Variants in IMMP2L observed in about 807,000 individuals in gnomAD.
IMMP2L encodes the protein mitochondrial inner membrane protease subunit 2.
Under a neutral mutation model 19.3 loss-of-function variants are expected in IMMP2L, and 18 were observed. The ratio of observed to expected loss-of-function variants is 0.93; its 90% CI spans 0.64 to 1.38. The LOEUF is 1.38. Ranked by LOEUF, IMMP2L falls within the 40% of genes most tolerant of loss-of-function variation. The probability of loss-of-function intolerance (pLI) is 0.00; values close to 1 mark genes in which losing one functional copy is unlikely to be tolerated. For synonymous variants in IMMP2L, 76 were observed against 73.0 expected, an observed-to-expected ratio of 1.04 and a Z score of -0.21; for missense variants, 233 against 218.2, an observed-to-expected ratio of 1.07 and a Z score of -0.43.
At chr7:111,431,852 T>C (rs1308867944) in intron 3 of IMMP2L, among the ~76,000 whole-genome samples, 1 of 151,774 alleles carries the variant, frequency 6.6e-6, no homozygotes, top group African/African-American at 2.4e-5. Flanking sequence ...TGTCTAAGAA[T>C]TGGAAAAACA....
intron 3 of IMMP2L, among the ~76,000 whole-genome samples, chr7:111,220,619 T>TGGATGGATGGAC (rs1812410831): frequency 6.6e-6 from 1 of 151,484 alleles, no homozygotes; most frequent in Non-Finnish European, 1.5e-5. Context: ...GATGGATGGA[T>TGGATGGATGGAC]GGATACAGAG....
At position 110,972,556 on chromosome 7, in the gene IMMP2L, A is replaced by T. The variant is rs910737424; in HGVS notation, c.240-8991T>A. On this transcript the variant is annotated intron_variant, in intron 3 of 5. Transcript: ENST00000405709. Reference sequence around the variant, plus strand: ...AAAGGATTTTTGGCAGCTGAGAATAAATATCTTTTGGAGAATGGAGGTAAG... The same window carrying T: ...AAAGGATTTTTGGCAGCTGAGAATATATATCTTTTGGAGAATGGAGGTAAG... Among the ~76,000 whole-genome samples, 7 of 152,216 alleles carry T rather than the reference A, an allele frequency of 4.6e-5. No individual in the cohort carries two copies. In the South Asian group the frequency reaches 1.0e-3, roughly 23 times the overall value.
intron 5 of IMMP2L, among the ~76,000 whole-genome samples, chr7:110,787,017 T>G (rs1800125454): frequency 6.6e-6 from 1 of 152,032 alleles, no homozygotes; most frequent in Non-Finnish European, 1.5e-5. Context: ...TGAAATTACT[T>G]TCTTACTCTA....
At chr7:111,526,765 G>A (rs1846905037) in intron 1 of IMMP2L, among the ~76,000 whole-genome samples, 1 of 152,080 alleles carries the variant, frequency 6.6e-6, no homozygotes, top group South Asian at 2.1e-4. Context: ...ATTTTAAGAG[G>A]CACAGAATGG....
intron 5 of IMMP2L, among the ~76,000 whole-genome samples, chr7:110,878,065 G>A (rs1809255484): frequency 6.6e-6 from 1 of 152,076 alleles, no homozygotes; most frequent in Admixed American, 6.6e-5. Context: ...CAGCTTGGAG[G>A]CCACAGATTC....
chr7:110,744,361 G>A (rs1167964772), intron 5 of IMMP2L, among the ~76,000 whole-genome samples: 1 of 152,250 alleles, frequency 6.6e-6, no homozygotes, highest in South Asian at 2.1e-4. Context: ...GCTCTGAAGA[G>A]AGCAGTGGGT....
intron 3 of IMMP2L, among the ~76,000 whole-genome samples, chr7:111,440,688 C>A (rs1275332055): frequency 1.3e-5 from 2 of 151,886 alleles, no homozygotes; most frequent in Non-Finnish European, 2.9e-5. Context: ...TGAACAGCTA[C>A]ATTAGCCCCT....
At chr7:111,154,405 A>ATCAC (rs1215148093) in intron 3 of IMMP2L, among the ~76,000 whole-genome samples, 3 of 152,202 alleles carry the variant, frequency 2.0e-5, no homozygotes, top group Admixed American at 6.5e-5. Flanking sequence ...AATTATAAGC[A>ATCAC]TCACATCAGC....
At chr7:110,831,784 T>C (rs1356056390) in intron 5 of IMMP2L, among the ~76,000 whole-genome samples, 2 of 152,196 alleles carry the variant, frequency 1.3e-5, no homozygotes, top group Non-Finnish European at 2.9e-5. Context: ...TCTCTAGACA[T>C]TTGGGGTCAC....
At chr7:110,908,186 C>G (rs1563072650) in intron 4 of IMMP2L, among the ~76,000 whole-genome samples, 1 of 152,156 alleles carries the variant, frequency 6.6e-6, no homozygotes, top group Non-Finnish European at 1.5e-5. Flanking sequence ...AACAGTATCT[C>G]TGCATCCAGC....
chr7:110,813,381 TTGTC>T (rs1802187113), intron 5 of IMMP2L, among the ~76,000 whole-genome samples: 1 of 152,016 alleles, frequency 6.6e-6, no homozygotes, highest in African/African-American at 2.4e-5. Context: ...AAATTCTTAA[TTGTC>T]TGTGGGTTAA....
At chr7:110,688,900 A>T (rs528143425) in intron 5 of IMMP2L, among the ~76,000 whole-genome samples, 1 of 152,158 alleles carries the variant, frequency 6.6e-6, no homozygotes, top group East Asian at 1.9e-4. Context: ...ATACACACAC[A>T]CTTTTTTTCT....
At chr7:110,944,551 A>C (rs2129553385) in intron 4 of IMMP2L, among the ~76,000 whole-genome samples, 1 of 151,216 alleles carries the variant, frequency 6.6e-6, no homozygotes, top group African/African-American at 2.4e-5. Context: ...CTGAGGATTA[A>C]AGAGTATACA....
At chr7:111,264,749 A>C (rs1262665063) in intron 3 of IMMP2L, among the ~76,000 whole-genome samples, 1 of 151,362 alleles carries the variant, frequency 6.6e-6, no homozygotes, top group Non-Finnish European at 1.5e-5. Flanking sequence ...ACAGCCAACC[A>C]TTTCCAGACT....
chr7:110,845,033 A>G (rs1357660320), intron 5 of IMMP2L, among the ~76,000 whole-genome samples: 1 of 152,158 alleles, frequency 6.6e-6, no homozygotes, highest in African/African-American at 2.4e-5. Context: ...GGAAAGATTT[A>G]AAAAGTAGCA....
intron 3 of IMMP2L, among the ~76,000 whole-genome samples, chr7:111,210,412 C>T (rs1001882849): frequency 1.3e-4 from 20 of 152,132 alleles, no homozygotes; most frequent in African/African-American, 3.6e-4. Context: ...TTCCTCAAAA[C>T]TACTCTTGCT....
At chr7:111,293,066 G>T (rs1436592449) in intron 3 of IMMP2L, among the ~76,000 whole-genome samples, 1 of 151,946 alleles carries the variant, frequency 6.6e-6, no homozygotes, top group African/African-American at 2.4e-5. Context: ...AAGGACATGA[G>T]ATATAAGCAA....
At chr7:110,670,639 G>A (rs1427021462) in intron 5 of IMMP2L, among the ~76,000 whole-genome samples, 2 of 148,062 alleles carry the variant, frequency 1.4e-5, no homozygotes, top group East Asian at 4.0e-4. Flanking sequence ...GCAGTGAGCT[G>A]AGATCATGCC....
At chr7:111,175,071 G>A (rs1806892036) in intron 3 of IMMP2L, among the ~76,000 whole-genome samples, 1 of 151,764 alleles carries the variant, frequency 6.6e-6, no homozygotes, top group Admixed American at 6.6e-5. Context: ...GAAATTAAGT[G>A]GAAAATCAGA....
Sources: allele counts gnomAD v4.1 joint callset (sites outside exome capture counted in the v4.1 genomes callset), GRCh38; gene constraint gnomAD v4.1.1; transcripts MANE v1.5; gene names NCBI Gene and HGNC (gene_info 2026-07-23, HGNC 2026-07-21).